Variants in PTPRD observed in about 807,000 individuals in gnomAD.
PTPRD encodes receptor-type tyrosine-protein phosphatase delta.
Under a neutral mutation model 214.5 loss-of-function variants are expected in PTPRD, and 34 were observed. The ratio of observed to expected loss-of-function variants is 0.16; its 90% CI spans 0.12 to 0.21. PTPRD has a LOEUF of 0.21. PTPRD is among the 10% of genes least tolerant of loss of function. PTPRD has a pLI of 1.00. For synonymous variants in PTPRD, 1,128 were observed against 845.7 expected (o/e 1.33, Z -5.79); for missense variants, 2,545 against 2,398.7 (o/e 1.06, Z -1.27).
chr9:9,672,123 G>C lies in PTPRD; in HGVS notation c.-287+62410C>G, dbSNP rs185534239. Among the ~76,000 whole-genome samples, 37 of 152,204 alleles carry C rather than the reference G, an allele frequency of 2.4e-4. No homozygotes were observed. The East Asian group carries it at 6.8e-3, about 28-fold the overall frequency. On this transcript the variant is annotated intron_variant, in intron 7 of 45. Coordinates refer to ENST00000381196, the MANE Select transcript of PTPRD (RefSeq NM_002839.4). ...TAGTAGGGGCAATGCATTTATTAAG[G>C]AGTCTGCAGCATAAAGCAAGAAGAA... is the stretch of plus-strand genomic sequence containing the variant.
intron 6 of PTPRD, among the ~76,000 whole-genome samples, chr9:9,748,906 G>A (rs1243919816): frequency 6.6e-6 from 1 of 152,068 alleles, no homozygotes; most frequent in African/African-American, 2.4e-5. Context: ...TTCATTTATT[G>A]TGTACTACTG....
chr9:9,425,450 T>A (rs1347024340), intron 8 of PTPRD, among the ~76,000 whole-genome samples: 1 of 146,628 alleles, frequency 6.8e-6, no homozygotes, highest in East Asian at 2.0e-4. Context: ...ATATAATTTA[T>A]AATATAAAAT....
chr9:9,328,455 C>T (rs941218049), intron 9 of PTPRD, among the ~76,000 whole-genome samples: 10 of 151,676 alleles, frequency 6.6e-5, no homozygotes, highest in Non-Finnish European at 1.3e-4. Context: ...TATTATATTT[C>T]TTTAAACTCA....
chr9:8,431,509 G>A (rs1326335186), intron 35 of PTPRD, among the ~76,000 whole-genome samples: 2 of 152,088 alleles, frequency 1.3e-5, no homozygotes, highest in South Asian at 2.1e-4. Context: ...AGTTGCTTAC[G>A]ATCTATCTAG....
rs183506940 is a variant in PTPRD at position 10,046,568 on chromosome 9, C to T, written c.-544-12778G>A. On this transcript the variant is annotated intron_variant, in intron 3 of 45. Coordinates refer to ENST00000381196, the MANE Select transcript of PTPRD (RefSeq NM_002839.4). Reference sequence around the variant, plus strand: ...TATTAAAGATTATCAGAAGTTGCCTCGGATGCTTCAATGTTTCTCACAAAA... The same window carrying T: ...TATTAAAGATTATCAGAAGTTGCCTTGGATGCTTCAATGTTTCTCACAAAA... Among the ~76,000 whole-genome samples, 194 of 151,904 alleles carry T rather than the reference C, an allele frequency of 1.3e-3. 1 individual carries two copies. The highest frequency in any genetic ancestry group is 6.0e-4 in the Non-Finnish European group (41 of 67,810).
At chr9:10,509,178 A>G (rs2047103312) in intron 2 of PTPRD, among the ~76,000 whole-genome samples, 1 of 152,076 alleles carries the variant, frequency 6.6e-6, no homozygotes, top group Non-Finnish European at 1.5e-5. Flanking sequence ...GATCCATAGG[A>G]GGAATTTGCC....
chr9:9,042,641 T>C (rs1333487554), intron 10 of PTPRD, among the ~76,000 whole-genome samples: 1 of 148,980 alleles, frequency 6.7e-6, no homozygotes, highest in Non-Finnish European at 1.5e-5. Flanking sequence ...TTTTGGTCTA[T>C]TCAACATCTG....
intron 35 of PTPRD, among the ~76,000 whole-genome samples, chr9:8,422,095 CCTGATGGTGCCA>C (rs1228238697): frequency 7.2e-6 from 1 of 139,206 alleles, no homozygotes; most frequent in Admixed American, 7.7e-5. Context: ...TGCCGTGAAC[CCTGATGGTGCCA>C]CTGCACTTCA....
chr9:10,446,120 C>T (rs1471657717), intron 2 of PTPRD, among the ~76,000 whole-genome samples: 1 of 151,958 alleles, frequency 6.6e-6, no homozygotes, highest in Non-Finnish European at 1.5e-5. Flanking sequence ...AAACCACCTT[C>T]TCCACCCCAC....
chr9:10,221,291 G>A (rs938139699), intron 3 of PTPRD, among the ~76,000 whole-genome samples: 17 of 151,852 alleles, frequency 1.1e-4, no homozygotes, highest in Non-Finnish European at 2.2e-4. Flanking sequence ...GCTCACGTGC[G>A]CGTGCACACA....
At chr9:8,824,185 G>A (rs1056114684) in intron 11 of PTPRD, among the ~76,000 whole-genome samples, 1 of 152,142 alleles carries the variant, frequency 6.6e-6, no homozygotes, top group Admixed American at 6.6e-5. Flanking sequence ...GACTTAGAAT[G>A]CCTTAATCGT....
chr9:9,973,203 C>T (rs924987542), intron 4 of PTPRD, among the ~76,000 whole-genome samples: 2 of 151,246 alleles, frequency 1.3e-5, no homozygotes, highest in Non-Finnish European at 2.9e-5. Flanking sequence ...TGGCTCATGC[C>T]TGTAATCCCA....
At chr9:9,962,623 C>G (rs899305211) in intron 4 of PTPRD, among the ~76,000 whole-genome samples, 2 of 152,130 alleles carry the variant, frequency 1.3e-5, no homozygotes, top group East Asian at 3.9e-4. Flanking sequence ...CTAAAAGTTA[C>G]GATTAACGGT....
At chr9:9,726,424 A>T (rs931333589) in intron 7 of PTPRD, among the ~76,000 whole-genome samples, 3 of 151,078 alleles carry the variant, frequency 2.0e-5, no homozygotes, top group African/African-American at 7.4e-5. Context: ...ATTTGTCTAT[A>T]CTCCATATTA....
intron 8 of PTPRD, among the ~76,000 whole-genome samples, chr9:9,545,097 C>T (rs2078470981): frequency 2.0e-5 from 3 of 151,624 alleles, no homozygotes; most frequent in South Asian, 4.1e-4. Flanking sequence ...CAACATCCCC[C>T]ACCAAAATAG....
chr9:9,688,694 C>A (rs2097208891), intron 7 of PTPRD, among the ~76,000 whole-genome samples: 1 of 151,864 alleles, frequency 6.6e-6, no homozygotes, highest in African/African-American at 2.4e-5. Flanking sequence ...ATACTCTAAT[C>A]TCTTAATATT....
chr9:9,567,973 G>A (rs996980114), intron 8 of PTPRD, among the ~76,000 whole-genome samples: 31 of 151,564 alleles, frequency 2.0e-4, no homozygotes, highest in Non-Finnish European at 3.1e-4. Flanking sequence ...TGGGTATCTC[G>A]TGCCTAGATA....
At chr9:10,318,353 T>C (rs1354596302) in intron 3 of PTPRD, among the ~76,000 whole-genome samples, 1 of 152,058 alleles carries the variant, frequency 6.6e-6, no homozygotes, top group Non-Finnish European at 1.5e-5. Context: ...CTTTGATTCT[T>C]AACTTTAATC....
At chr9:10,378,723 G>A (rs957158370) in intron 2 of PTPRD, among the ~76,000 whole-genome samples, 1 of 151,962 alleles carries the variant, frequency 6.6e-6, no homozygotes, top group Non-Finnish European at 1.5e-5. Context: ...GTATAGCTGT[G>A]TATTATAATT....
Sources: allele counts gnomAD v4.1 joint callset (sites outside exome capture counted in the v4.1 genomes callset), GRCh38; gene constraint gnomAD v4.1.1; transcripts MANE v1.5; gene names NCBI Gene and HGNC (gene_info 2026-07-23, HGNC 2026-07-21).